Variants in SHB observed in about 807,000 individuals in gnomAD.
SHB encodes the protein SH2 domain-containing adapter protein B.
Under a neutral mutation model 52.3 loss-of-function variants are expected in SHB, and 20 were observed. The observed-to-expected ratio is 0.38, with a 90% CI of 0.27 to 0.56. SHB has a LOEUF of 0.56. Ranked by LOEUF, SHB falls within the 20% of genes least tolerant of loss-of-function variation. The probability of loss-of-function intolerance (pLI) is 0.71; values close to 1 mark genes in which losing one functional copy is unlikely to be tolerated. For missense variants in SHB, 825 were observed against 723.3 expected (o/e 1.14, Z -1.61); for synonymous variants, 397 against 316.5 (o/e 1.25, Z -2.70).
chr9:38,053,158 C>T (rs1250462807), intron 1 of SHB, among the ~76,000 whole-genome samples: 1 of 152,196 alleles, frequency 6.6e-6, no homozygotes, highest in Non-Finnish European at 1.5e-5. Flanking sequence ...GGAACCCCAG[C>T]TCCAGCTCTA....
intron 1 of SHB, among the ~76,000 whole-genome samples, chr9:38,024,536 T>TCTCC (rs1243581678): frequency 6.6e-6 from 1 of 152,078 alleles, no homozygotes; most frequent in Non-Finnish European, 1.5e-5. Context: ...AGCCTCTCTC[T>TCTCC]CTCCGTCACA....
At chr9:38,002,521 C>T (rs1298591781) in intron 2 of SHB, among the ~76,000 whole-genome samples, 1 of 152,086 alleles carries the variant, frequency 6.6e-6, no homozygotes, top group Non-Finnish European at 1.5e-5. Flanking sequence ...AGAAGGCATC[C>T]TAGTGACTGG....
chr9:38,000,493 G>A (rs1387824716), intron 2 of SHB, among the ~76,000 whole-genome samples: 1 of 152,230 alleles, frequency 6.6e-6, no homozygotes, highest in Non-Finnish European at 1.5e-5. Flanking sequence ...CCTTCACCTT[G>A]ACCCAATGTG....
chr9:38,021,612 T>C (rs1821283065), intron 1 of SHB, among the ~76,000 whole-genome samples: 1 of 150,690 alleles, frequency 6.6e-6, no homozygotes, highest in African/African-American at 2.4e-5. Context: ...AGGTTGCAGT[T>C]AGCTGAGATC....
chr9:37,989,668 G>A (rs772630383), intron 2 of SHB, among the ~76,000 whole-genome samples: 12 of 152,136 alleles, frequency 7.9e-5, no homozygotes, highest in Admixed American at 2.6e-4. Context: ...GTGAGCGGTC[G>A]GCACAGTTAC....
chr9:38,005,563 A>T (rs1397344345), intron 2 of SHB, among the ~76,000 whole-genome samples: 2 of 152,182 alleles, frequency 1.3e-5, no homozygotes. Context: ...AAGTCCTGTC[A>T]GCCACCAGGA....
At chr9:37,945,071 C>A (rs1013967058) in intron 5 of SHB, among the ~76,000 whole-genome samples, 1 of 152,102 alleles carries the variant, frequency 6.6e-6, no homozygotes, top group Non-Finnish European at 1.5e-5. Context: ...GAAGGGTGCA[C>A]GGGGTGTCCT....
intron 2 of SHB, among the ~76,000 whole-genome samples, chr9:37,993,290 A>G (rs1820906604): frequency 6.6e-6 from 1 of 152,142 alleles, no homozygotes; most frequent in African/African-American, 2.4e-5. Context: ...GTTAAACAAG[A>G]AAAAGGAAGT....
rs528749211 is a variant in SHB, at chr9:38,044,777, C to A, written c.717+23152G>T. 5.3e-5 allele frequency among the ~76,000 whole-genome samples: 8 copies of A among 152,362 alleles called. No individual in the cohort carries two copies. In the South Asian group the frequency reaches 1.4e-3, roughly 28 times the overall value. The stretch of plus-strand genomic sequence containing the variant: ...TACAGCATACTGGCTCTTCAATCAA[C>A]CTCTCTGAGATCACTTATCTGACAA... On this transcript the variant is annotated intron_variant, in intron 1 of 5. Coordinates refer to ENST00000377707, the MANE Select transcript of SHB (RefSeq NM_003028.3).
chr9:37,961,602 G>A (rs1235430158), intron 3 of SHB, among the ~76,000 whole-genome samples: 1 of 152,208 alleles, frequency 6.6e-6, no homozygotes, highest in African/African-American at 2.4e-5. Context: ...ACAAAGGACA[G>A]CCAGTCCCCA....
chr9:37,940,334 A>G (rs763608770), intron 5 of SHB, among the ~76,000 whole-genome samples: 4 of 152,226 alleles, frequency 2.6e-5, no homozygotes, highest in African/African-American at 7.2e-5. Context: ...TGTCCCCTCA[A>G]TGGTGCACTC....
At chr9:38,054,672 C>G (rs555787577) in intron 1 of SHB, among the ~76,000 whole-genome samples, 1 of 152,176 alleles carries the variant, frequency 6.6e-6, no homozygotes, top group African/African-American at 2.4e-5. Context: ...GATACAATCG[C>G]ACATCTGAGG....
intron 5 of SHB, among the ~76,000 whole-genome samples, chr9:37,923,059 T>G (rs146100760): frequency 6.6e-6 from 1 of 152,342 alleles, no homozygotes; most frequent in East Asian, 1.9e-4. Context: ...GGCCAGGCTC[T>G]ATGTCCTGAA....
At chr9:37,986,725 G>A (rs1445876419) in intron 2 of SHB, among the ~76,000 whole-genome samples, 1 of 152,218 alleles carries the variant, frequency 6.6e-6, no homozygotes, top group Non-Finnish European at 1.5e-5. Flanking sequence ...ATGAGCAGGG[G>A]CTGGGCTAGC....
intron 5 of SHB, among the ~76,000 whole-genome samples, chr9:37,942,073 C>A (rs1163909933): frequency 6.6e-6 from 1 of 152,222 alleles, no homozygotes; most frequent in Admixed American, 6.5e-5. Flanking sequence ...CTATATTAAT[C>A]AATGAAGGGA....
At chr9:37,943,728 G>A (rs1400911412) in intron 5 of SHB, among the ~76,000 whole-genome samples, 1 of 152,176 alleles carries the variant, frequency 6.6e-6, no homozygotes, top group Non-Finnish European at 1.5e-5. Flanking sequence ...CATGAGGGCA[G>A]AGCCTGCCCA....
At chr9:38,039,198 G>A (rs1027008154) in intron 1 of SHB, among the ~76,000 whole-genome samples, 1 of 152,266 alleles carries the variant, frequency 6.6e-6, no homozygotes, top group Non-Finnish European at 1.5e-5. Flanking sequence ...GCTGTCAGGC[G>A]TTAAGCCTCC....
chr9:37,936,077 G>A (rs924077299), intron 5 of SHB, among the ~76,000 whole-genome samples: 5 of 151,534 alleles, frequency 3.3e-5, no homozygotes, highest in Non-Finnish European at 7.4e-5. Context: ...TTAGCCGGGC[G>A]TGGTGATGCA....
chr9:38,044,319 T>C (rs1169857900), intron 1 of SHB, among the ~76,000 whole-genome samples: 4 of 152,362 alleles, frequency 2.6e-5, no homozygotes, highest in African/African-American at 9.6e-5. Flanking sequence ...GTATGGTATT[T>C]GCAGCCCTTC....
Sources: gnomAD v4.1 joint callset for allele counts (sites outside exome capture counted in the v4.1 genomes callset) on GRCh38, gnomAD v4.1.1 for gene constraint, MANE v1.5 for transcripts, NCBI Gene and HGNC (gene_info 2026-07-23, HGNC 2026-07-21) for gene names.